Variants in KCTD16 observed in about 807,000 individuals in gnomAD.
KCTD16 encodes the protein BTB/POZ domain-containing protein KCTD16.
In KCTD16, 13 loss-of-function variants were observed where a neutral mutation model predicts 33.2. That is an observed-to-expected ratio of 0.39 (90% CI 0.25 to 0.62). The LOEUF is 0.62. Among genes scored for constraint, KCTD16 ranks in the 20% least tolerant of loss-of-function variants. The pLI is 0.50. For missense variants in KCTD16, 441 were observed against 525.1 expected (o/e 0.84, Z 1.57); for synonymous variants, 197 against 195.3 (o/e 1.01, Z -0.07).
chr5:144,301,240 C>CAA (rs5871873), intron 3 of KCTD16, among the ~76,000 whole-genome samples: 33 of 74,566 alleles, frequency 4.4e-4, no homozygotes, highest in Non-Finnish European at 6.4e-4. Context: ...GATTCCATCT[C>CAA]AAAAAAAAAA....
At chr5:144,446,821 G>A (rs993899800) in intron 3 of KCTD16, among the ~76,000 whole-genome samples, 1 of 152,026 alleles carries the variant, frequency 6.6e-6, no homozygotes, top group Non-Finnish European at 1.5e-5. Flanking sequence ...CATCATCACT[G>A]GTCATTAGAG....
intron 3 of KCTD16, among the ~76,000 whole-genome samples, chr5:144,453,497 G>T (rs528040964): frequency 8.5e-5 from 13 of 152,192 alleles, no homozygotes; most frequent in Non-Finnish European, 1.6e-4. Flanking sequence ...GAAAGGATGA[G>T]GGGTTTTAGT....
chr5:144,396,989 A>T (rs1324764811), intron 3 of KCTD16, among the ~76,000 whole-genome samples: 1 of 150,894 alleles, frequency 6.6e-6, no homozygotes, highest in African/African-American at 2.4e-5. Context: ...TTTGTTACAT[A>T]TGTATACATG....
chr5:144,313,216 A>G (rs1751811891), intron 3 of KCTD16, among the ~76,000 whole-genome samples: 2 of 152,174 alleles, frequency 1.3e-5, no homozygotes, highest in Non-Finnish European at 2.9e-5. Flanking sequence ...TATAAAACAA[A>G]AAGCAGAAAT....
At chr5:144,183,991 A>C (rs888400627) in intron 2 of KCTD16, among the ~76,000 whole-genome samples, 1 of 152,194 alleles carries the variant, frequency 6.6e-6, no homozygotes, top group Non-Finnish European at 1.5e-5. Flanking sequence ...GGTTTGTTAC[A>C]TTATCATTCA....
At chr5:144,210,843 T>C (rs1258217316) in intron 3 of KCTD16, among the ~76,000 whole-genome samples, 1 of 152,188 alleles carries the variant, frequency 6.6e-6, no homozygotes, top group African/African-American at 2.4e-5. Flanking sequence ...TTCAGCCAAA[T>C]GCCTGAAAGC....
chr5:144,399,578 A>G (rs1160622851), intron 3 of KCTD16, among the ~76,000 whole-genome samples: 2 of 152,178 alleles, frequency 1.3e-5, no homozygotes, highest in African/African-American at 4.8e-5. Context: ...TCATTCTAAA[A>G]ATCTGATTAA....
intron 3 of KCTD16, among the ~76,000 whole-genome samples, chr5:144,278,566 T>C (rs192160239): frequency 0.086 from 12,772 of 148,294 alleles, 643 homozygotes; most frequent in East Asian, 0.24. Flanking sequence ...GGCGCAATCT[T>C]GGCTCACTGC....
intron 3 of KCTD16, among the ~76,000 whole-genome samples, chr5:144,417,347 C>T (rs900109354): frequency 1.3e-5 from 2 of 152,102 alleles, no homozygotes; most frequent in African/African-American, 4.8e-5. Flanking sequence ...TTGTGATTTT[C>T]ATTTGCATTT....
intron 3 of KCTD16, among the ~76,000 whole-genome samples, chr5:144,370,088 G>A (rs1255983443): frequency 6.6e-6 from 1 of 152,114 alleles, no homozygotes; most frequent in African/African-American, 2.4e-5. Flanking sequence ...TGGGTGCTGG[G>A]AATCTGGGAA....
rs898787855 is a variant in KCTD16 at position 144,479,675 on chromosome 5, A to G, written c.*5561A>G. 3 of 151,978 alleles carry G rather than the reference A, an allele frequency of 2.0e-5. No homozygotes were observed. The highest frequency in any genetic ancestry group is 1.9e-4 in the East Asian group (1 of 5,162). 9.4% of individuals were successfully genotyped at this position (151,978 alleles called of 1,614,324 possible). ...TTCAGTTTGTTGCCCTCTCTCCTCT[A>G]CTTCCTAAGTGGGATCCCTTTTCTG... is the stretch of plus-strand genomic sequence containing the variant. On this transcript the variant is annotated 3_prime_UTR_variant, in exon 4 of 4. Transcript: ENST00000512467.
At chr5:144,209,775 G>T (rs937827839) in intron 3 of KCTD16, among the ~76,000 whole-genome samples, 6 of 143,076 alleles carry the variant, frequency 4.2e-5, no homozygotes, top group South Asian at 2.2e-4. Flanking sequence ...CTTCCTCCTG[G>T]GCTTAGGGGG....
intron 3 of KCTD16, among the ~76,000 whole-genome samples, chr5:144,286,327 C>G (rs1360051641): frequency 1.3e-5 from 2 of 152,120 alleles, no homozygotes; most frequent in Non-Finnish European, 2.9e-5. Flanking sequence ...AGAGGCATCA[C>G]TGTAATTTCT....
At chr5:144,468,387 A>G (rs969266569) in intron 3 of KCTD16, among the ~76,000 whole-genome samples, 6 of 152,108 alleles carry the variant, frequency 3.9e-5, no homozygotes, top group African/African-American at 1.4e-4. Context: ...ACTGACTCTG[A>G]TGGATGCGTG....
rs1304226813 is a variant in KCTD16 at position 144,206,921 on chromosome 5, C to A, written c.207C>A (p.Ser69=). Residue 69 remains serine, a synonymous_variant, in exon 3 of 4, where the codon TCC becomes TCA. Transcript: ENST00000512467. The stretch of plus-strand genomic sequence containing the variant: ...CGGCTAATGATCTAGCCAAGGACTC[C>A]AAGGGAAGGTTTTTCATTGACAGAG... ...RDTANDLAKD[S]KGRFFIDRDG... The A allele has an allele frequency of 1.2e-6, 2 of 1,613,962 alleles. No individual in the cohort carries two copies. Among genetic ancestry groups the A allele is most frequent in the Non-Finnish European group, 1.7e-6 (2 of 1,180,000 alleles).
chr5:144,476,883 G>T lies in KCTD16; in HGVS notation c.*2769G>T, dbSNP rs1754606325. 6.6e-6 allele frequency: 1 copy of T among 152,062 alleles called. No individual in the cohort carries two copies. Among genetic ancestry groups the T allele is most frequent in the Non-Finnish European group, 1.5e-5 (1 of 67,992 alleles). The allele number at this position is 152,062 out of a possible 1,614,324, so 9.4% of individuals were successfully genotyped here. A position where few individuals can be genotyped will look rare whatever the true frequency, so the allele number is the denominator to read the frequency against. ...TTAGAACTTTTTGTTTAATTCTGAA[G>T]AAAACAATATATATGGTTTACTTCT... On this transcript the variant is annotated 3_prime_UTR_variant, in exon 4 of 4. Transcript: ENST00000512467.
chr5:144,338,999 T>A (rs1396983675), intron 3 of KCTD16, among the ~76,000 whole-genome samples: 4 of 152,148 alleles, frequency 2.6e-5, no homozygotes, highest in Non-Finnish European at 5.9e-5. Context: ...AATTTATCCA[T>A]CCCCTGGAAC....
chr5:144,330,396 A>G (rs559248362), intron 3 of KCTD16, among the ~76,000 whole-genome samples: 5 of 146,954 alleles, frequency 3.4e-5, no homozygotes, highest in Non-Finnish European at 7.5e-5. Context: ...CTGGGCAACA[A>G]GAGCGAAACT....
In KCTD16 at chr5:144,478,812, A is replaced by G. The variant is rs1159724982; in HGVS notation, c.*4698A>G. 2 of 152,030 alleles carry G rather than the reference A, an allele frequency of 1.3e-5. No homozygotes were observed. The highest frequency in any genetic ancestry group is 2.4e-5 in the African/African-American group (1 of 41,436). 9.4% of individuals were successfully genotyped at this position (152,030 alleles called of 1,614,324 possible). The stretch of plus-strand genomic sequence containing the variant: ...TTCATTATCTTAAGAGAAAACACCC[A>G]AAGAAAAATATCCTAAGACTAGGGC... On this transcript the variant is annotated 3_prime_UTR_variant, in exon 4 of 4. Coordinates refer to ENST00000512467, the MANE Select transcript of KCTD16 (RefSeq NM_020768.4).
Sources: allele counts gnomAD v4.1 joint callset (sites outside exome capture counted in the v4.1 genomes callset), GRCh38; gene constraint gnomAD v4.1.1; transcripts MANE v1.5; gene names NCBI Gene and HGNC (gene_info 2026-07-23, HGNC 2026-07-21).